XRN1: variants seen among roughly 807,000 people sequenced by gnomAD.
XRN1 encodes strand-exchange protein 1 homolog.
A neutral mutation model predicts 222.3 loss-of-function variants in XRN1; 67 were observed. That is an observed-to-expected ratio of 0.30 (90% CI 0.25 to 0.37). The LOEUF (loss-of-function observed/expected upper bound fraction) is 0.37, where lower values mean the gene tolerates loss of function less well. XRN1 is among the 10% of genes least tolerant of loss of function. XRN1 has a pLI of 1.00. For missense variants in XRN1, 1,707 were observed against 2,000.2 expected, an observed-to-expected ratio of 0.85 and a Z score of 2.80; for synonymous variants, 643 against 652.4, an observed-to-expected ratio of 0.99 and a Z score of 0.22.
chr3:142,379,461 G>T (rs772113231), intron 23 of XRN1, among the ~76,000 whole-genome samples: 30 of 152,174 alleles, frequency 2.0e-4, no homozygotes, highest in Non-Finnish European at 3.5e-4. Flanking sequence ...AAATCAGAAA[G>T]AACGAGGCAT....
At chr3:142,395,848 C>T (rs977387163) in intron 20 of XRN1, among the ~76,000 whole-genome samples, 6 of 152,206 alleles carry the variant, frequency 3.9e-5, no homozygotes, top group African/African-American at 1.2e-4. Flanking sequence ...TGCTTTTCCT[C>T]CTGCCACAGG....
At chr3:142,335,556 C>A (rs775996387) in intron 33 of XRN1, 47 bp from the exon 34 acceptor site, 6 of 1,505,044 alleles carry the variant, frequency 4.0e-6, no homozygotes, top group East Asian at 2.3e-5. Context: ...GTGTTTACTG[C>A]ACAATTAAAA....
intron 8 of XRN1, 150 bp from the exon 9 acceptor site, chr3:142,421,693 G>C: frequency 2.0e-6 from 1 of 490,376 alleles, no homozygotes; most frequent in Non-Finnish European, 3.5e-6. Flanking sequence ...ACTGGCCCTA[G>C]TTTCTGTGAA....
Position 142,425,533 on chromosome 3 carries a change from C to T in XRN1, c.412G>A (p.Glu138Lys), listed in dbSNP as rs899520856. 6.2e-6 allele frequency: 10 copies of T among 1,607,712 alleles called. No homozygotes were observed. The highest frequency in any genetic ancestry group is 7.6e-6 in the Non-Finnish European group (9 of 1,176,764). The stretch of plus-strand genomic sequence containing the variant: ...TGTTCATGTAACCTGGCCATAAATT[C>T]AGTTCCTAAAAATAATGTTTTAAAA... ...FDSNCITPGT[E>K]FMARLHEHLK... is the part of the protein sequence containing the mutation. The change falls in exon 4 of 41, where the codon GAA (glutamate) becomes AAA (lysine). Residue 138 changes from glutamate (E) to lysine (K), a missense_variant. By Grantham distance (56) the Glu-to-Lys change is moderately conservative. Coordinates refer to ENST00000392981, the MANE Select transcript of XRN1 (RefSeq NM_001282857.2).
intron 40 of XRN1, 110 bp downstream of exon 40, chr3:142,312,488 A>G (rs1198778379): frequency 1.8e-6 from 2 of 1,117,654 alleles, no homozygotes; most frequent in Non-Finnish European, 1.2e-6. Flanking sequence ...TACCCACACT[A>G]GTACTGAACT....
rs1211943039 is a variant in XRN1 at position 142,447,196 on chromosome 3, T to C, written c.75+674A>G. Among the ~76,000 whole-genome samples, 1 of 152,156 alleles carries C rather than the reference T, an allele frequency of 6.6e-6. No homozygotes were observed. The highest frequency in any genetic ancestry group is 1.5e-5 in the Non-Finnish European group (1 of 68,034). On this transcript the variant is annotated intron_variant, in intron 1 of 40. Transcript: ENST00000392981. This position sits in a 1 kb window ranked among gnomAD's most constrained non-coding sequence, Gnocchi z 4.2. Reference sequence around the variant, plus strand: ...TTAGTAGTATTAATGTTCTATCAATTCGTTTCCCAACCCCCTCTGTCACAC... The same window carrying C: ...TTAGTAGTATTAATGTTCTATCAATCCGTTTCCCAACCCCCTCTGTCACAC...
chr3:142,445,885 G>A (rs1185158549), intron 1 of XRN1, among the ~76,000 whole-genome samples: 1 of 152,130 alleles, frequency 6.6e-6, no homozygotes, highest in Non-Finnish European at 1.5e-5. Context: ...CTATCTAATT[G>A]GCCAGCACAG....
chr3:142,376,061 A>G, intron 24 of XRN1, 117 bp from the exon 25 acceptor site: 2 of 1,378,644 alleles, frequency 1.5e-6, no homozygotes, highest in Non-Finnish European at 9.4e-7. Flanking sequence ...AGAAAAGCTC[A>G]GTTTTGATTA....
chr3:142,344,369 CA>C (rs1218352541), intron 33 of XRN1, among the ~76,000 whole-genome samples: 1 of 151,834 alleles, frequency 6.6e-6, no homozygotes, highest in Non-Finnish European at 1.5e-5. Flanking sequence ...TATGTATCCA[CA>C]AAAATTAAAA....
chr3:142,330,109 C>T (rs1046970127), intron 36 of XRN1, among the ~76,000 whole-genome samples: 1 of 152,174 alleles, frequency 6.6e-6, no homozygotes, highest in Non-Finnish European at 1.5e-5. Context: ...CAGCTAATGA[C>T]TACATGGTAC....
chr3:142,437,945 G>A (rs899280657), intron 1 of XRN1, among the ~76,000 whole-genome samples: 1 of 152,160 alleles, frequency 6.6e-6, no homozygotes, highest in Non-Finnish European at 1.5e-5. Context: ...ATGACAAGGT[G>A]CTCAACATCA....
At chr3:142,317,749 G>A (rs1304298981) in intron 39 of XRN1, among the ~76,000 whole-genome samples, 1 of 152,130 alleles carries the variant, frequency 6.6e-6, no homozygotes, top group East Asian at 1.9e-4. Context: ...AATAGTTTCT[G>A]ATGCCTCCAA....
intron 37 of XRN1, among the ~76,000 whole-genome samples, chr3:142,320,210 T>C (rs1031033953): frequency 1.3e-5 from 2 of 152,214 alleles, no homozygotes; most frequent in Non-Finnish European, 2.9e-5. Flanking sequence ...AAACACTCCC[T>C]TTTTGCTACA....
chr3:142,373,338 ATAAAAC>A, intron 25 of XRN1, among the ~76,000 whole-genome samples: 1 of 152,216 alleles, frequency 6.6e-6, no homozygotes, highest in South Asian at 2.1e-4. Flanking sequence ...ATGAGGAGAG[ATAAAAC>A]TAAAAGGATC....
chr3:142,357,592 T>G (rs997865287), intron 30 of XRN1, among the ~76,000 whole-genome samples: 1 of 152,162 alleles, frequency 6.6e-6, no homozygotes, highest in Non-Finnish European at 1.5e-5. Context: ...ACAACTGGCA[T>G]GCTTTTTTAT....
intron 32 of XRN1, among the ~76,000 whole-genome samples, chr3:142,354,355 A>C (rs752828352): frequency 1.3e-5 from 2 of 152,206 alleles, no homozygotes; most frequent in Non-Finnish European, 2.9e-5. Flanking sequence ...GCCACTGTAG[A>C]AAGTAGTTTG....
intron 29 of XRN1, 61 bp from the exon 30 acceptor site, chr3:142,359,992 T>A: frequency 8.1e-7 from 1 of 1,232,574 alleles, no homozygotes; most frequent in East Asian, 2.4e-5. Context: ...AATCAACAGA[T>A]AAGTTTTTGG....
At chr3:142,324,341 T>C (rs1396985971) in intron 37 of XRN1, among the ~76,000 whole-genome samples, 3 of 148,286 alleles carry the variant, frequency 2.0e-5, no homozygotes, top group Non-Finnish European at 4.5e-5. Flanking sequence ...TGAGAACATG[T>C]TGTGTTTGGT....
chr3:142,358,371 C>T (rs1337268367), intron 30 of XRN1, among the ~76,000 whole-genome samples: 2 of 152,098 alleles, frequency 1.3e-5, no homozygotes, highest in East Asian at 3.8e-4. Context: ...ACTCTATCAC[C>T]TATTTTTTTT....
Sources: allele counts gnomAD v4.1 joint callset (sites outside exome capture counted in the v4.1 genomes callset), GRCh38; gene constraint gnomAD v4.1.1; non-coding constraint Gnocchi (gnomAD v3.1); transcripts MANE v1.5; gene names NCBI Gene and HGNC (gene_info 2026-07-23, HGNC 2026-07-21).